The following DENND4C variants were observed in gnomAD, a reference collection of about 807,000 sequenced individuals.
The protein encoded by DENND4C is DENN domain containing 4C.
In DENND4C, 108 loss-of-function variants were observed where a neutral mutation model predicts 203.0. The ratio of observed to expected loss-of-function variants is 0.53; its 90% CI spans 0.46 to 0.62. DENND4C has a LOEUF of 0.62. Among genes scored for constraint, DENND4C ranks in the 20% least tolerant of loss-of-function variants. The pLI is 0.00. For synonymous variants in DENND4C, 871 were observed against 792.4 expected (o/e 1.10, Z -1.67); for missense variants, 2,481 against 2,301.2 (o/e 1.08, Z -1.60).
chr9:19,357,186 G>C (rs376087385), intron 27 of DENND4C, 32 bp downstream of exon 27: 1 of 1,607,710 alleles, frequency 6.2e-7, no homozygotes, highest in African/African-American at 1.3e-5. Context: ...TCTTTATGTA[G>C]TAATAAATGG....
chr9:19,232,287 G>C (rs567892532), intron 1 of DENND4C, among the ~76,000 whole-genome samples: 1 of 152,026 alleles, frequency 6.6e-6, no homozygotes, highest in East Asian at 1.9e-4. Context: ...TAGTGGCAAA[G>C]GGTTTTCTGC....
At chr9:19,302,022 T>A (rs1004721306) in intron 9 of DENND4C, among the ~76,000 whole-genome samples, 2 of 152,206 alleles carry the variant, frequency 1.3e-5, no homozygotes, top group Non-Finnish European at 2.9e-5. Flanking sequence ...GCCAAGTCTT[T>A]TGATGGATTT....
intron 29 of DENND4C, among the ~76,000 whole-genome samples, chr9:19,360,782 T>G (rs1258158946): frequency 6.6e-6 from 1 of 152,174 alleles, no homozygotes. Flanking sequence ...GAAAAATGGA[T>G]GGAGAGGAGA....
chr9:19,281,810 G>T (rs1019837878), intron 2 of DENND4C, among the ~76,000 whole-genome samples: 1 of 152,154 alleles, frequency 6.6e-6, no homozygotes, highest in Admixed American at 6.5e-5. Flanking sequence ...TTTTTCTTAG[G>T]CTGCAAACCT....
At chr9:19,352,688 C>T (rs1469942956) in intron 26 of DENND4C, 23 bp downstream of exon 26, 1 of 1,532,380 alleles carries the variant, frequency 6.5e-7, no homozygotes, top group Non-Finnish European at 8.8e-7. Context: ...AAAGCTCTCT[C>T]AAGAAGTAAG....
In DENND4C at chr9:19,373,983, AATGG is replaced by A. The variant is rs1393178756; in HGVS notation, c.*1813_*1816del. Among the ~76,000 whole-genome samples, 7 of 152,154 alleles carry A rather than the reference AATGG, an allele frequency of 4.6e-5. No individual in the cohort carries two copies. Among genetic ancestry groups the A allele is most frequent in the Non-Finnish European group, 8.8e-5 (6 of 68,030 alleles). ...TATGTACAATTTTCATTACCTTCAAAATGGATCTTTTGCACTGTCTGAGAGTATA... is the reference window on the plus strand; with the variant it reads ...TATGTACAATTTTCATTACCTTCAAAATCTTTTGCACTGTCTGAGAGTATA... On this transcript the variant is annotated 3_prime_UTR_variant, in exon 33 of 33. Coordinates refer to ENST00000434457, the MANE Select transcript of DENND4C (RefSeq NM_001330640.2).
chr9:19,337,514 T>C (rs2131873830), intron 20 of DENND4C: 1 of 738,376 alleles, frequency 1.4e-6, no homozygotes, highest in Non-Finnish European at 1.7e-6. Flanking sequence ...GAAGTTTCCT[T>C]TTCTCTGCTC....
At chr9:19,356,655 T>G (rs940662628) in intron 26 of DENND4C, among the ~76,000 whole-genome samples, 1 of 152,040 alleles carries the variant, frequency 6.6e-6, no homozygotes, top group African/African-American at 2.4e-5. Flanking sequence ...TTGCTTTCCC[T>G]CTTCCCTCAC....
chr9:19,289,609 G>A (rs1225608804), intron 4 of DENND4C, among the ~76,000 whole-genome samples: 5 of 152,088 alleles, frequency 3.3e-5, no homozygotes, highest in Admixed American at 2.6e-4. Context: ...CGGGCAGATC[G>A]CTTGAGGCCA....
chr9:19,341,527 C>T (rs185310296), intron 21 of DENND4C, among the ~76,000 whole-genome samples: 1 of 151,856 alleles, frequency 6.6e-6, no homozygotes, highest in Non-Finnish European at 1.5e-5. Context: ...CCCGGCTAGT[C>T]TTGACCTACT....
intron 30 of DENND4C, among the ~76,000 whole-genome samples, chr9:19,366,285 C>A (rs1005789081): frequency 6.6e-6 from 1 of 152,178 alleles, no homozygotes; most frequent in Non-Finnish European, 1.5e-5. Flanking sequence ...GGTCAGTTGC[C>A]TTTCAGTGTG....
intron 9 of DENND4C, among the ~76,000 whole-genome samples, chr9:19,302,945 C>A (rs1838892058): frequency 6.6e-6 from 1 of 151,634 alleles, no homozygotes. Flanking sequence ...ATAGAACCTG[C>A]TTTTCTTCTC....
At chr9:19,349,562 G>A (rs1467227876) in intron 23 of DENND4C, among the ~76,000 whole-genome samples, 1 of 152,088 alleles carries the variant, frequency 6.6e-6, no homozygotes, top group Non-Finnish European at 1.5e-5. Flanking sequence ...CCTGGCAAAA[G>A]GCAAATAGGA....
intron 2 of DENND4C, among the ~76,000 whole-genome samples, chr9:19,278,347 A>G (rs1588824740): frequency 6.6e-6 from 1 of 151,978 alleles, no homozygotes; most frequent in Non-Finnish European, 1.5e-5. Flanking sequence ...CCATATTGGC[A>G]AAGCTGGTCT....
At chr9:19,252,712 TACACACACAC>T (rs10611179) in intron 1 of DENND4C, among the ~76,000 whole-genome samples, 9 of 150,016 alleles carry the variant, frequency 6.0e-5, no homozygotes, top group South Asian at 2.1e-4. Flanking sequence ...AGCGTGTGTA[TACACACACAC>T]ACACACACAC....
intron 6 of DENND4C, among the ~76,000 whole-genome samples, chr9:19,296,615 A>G (rs1433731156): frequency 1.3e-5 from 2 of 151,996 alleles, no homozygotes; most frequent in Admixed American, 1.3e-4. Context: ...AGCCTCCCAA[A>G]GTGCTGGGAT....
At position 19,305,387 on chromosome 9, in the gene DENND4C, T is replaced by C. The variant is rs562157504; in HGVS notation, c.1347T>C (p.Ile449=). ...IFPFQWQCPY[I]PLCPLSLAAV... is the part of the protein sequence containing the mutation. ...CATTTCAGTGGCAATGCCCATATAT[T>C]CCCCTTTGTCCTCTTTCACTGGCTG... The change falls in exon 10 of 33, where the codon ATT becomes ATC. Residue 449 remains isoleucine, a synonymous_variant. Coordinates refer to ENST00000434457, the MANE Select transcript of DENND4C (RefSeq NM_001330640.2). The C allele has an allele frequency of 2.2e-5, 35 of 1,612,950 alleles. No individual in the cohort carries two copies. The South Asian group carries it at 3.7e-4, about 17-fold the overall frequency.
chr9:19,350,850 G>C lies in DENND4C; in HGVS notation c.4466G>C (p.Gly1489Ala). Residue 1489 changes from glycine to alanine, a missense_variant, in exon 24 of 33, where the codon GGA becomes GCA. This residue lies in a region of DENND4C where 2,289 missense variants were observed against 2,113.3 expected (regional missense o/e 1.08). Transcript: ENST00000434457. Reference protein sequence around the residue: ...NTSLGSSSSSGDVGKLHYPTG... With the variant: ...NTSLGSSSSSADVGKLHYPTG... ...AGTCTTGGCAGTAGCAGCAGTAGTG[G>C]AGATGTAGGAAAACTGCATTATCCA... 1.2e-6 allele frequency: 2 copies of C among 1,613,900 alleles called. No individual in the cohort carries two copies. Among genetic ancestry groups the C allele is most frequent in the Non-Finnish European group, 1.7e-6 (2 of 1,179,928 alleles).
intron 1 of DENND4C, among the ~76,000 whole-genome samples, chr9:19,255,350 A>G (rs957501419): frequency 9.2e-5 from 14 of 151,962 alleles, no homozygotes; most frequent in African/African-American, 3.4e-4. Flanking sequence ...GGCTGAAGTG[A>G]GCTATGATTG....
Sources: gnomAD v4.1 joint callset for allele counts (sites outside exome capture counted in the v4.1 genomes callset) on GRCh38, gnomAD v4.1.1 for gene constraint, gnomAD v4.1.1 regional missense constraint, MANE v1.5 for transcripts, NCBI Gene and HGNC (gene_info 2026-07-23, HGNC 2026-07-21) for gene names.